DICER1: variants seen among roughly 807,000 people sequenced by gnomAD.
DICER1 encodes dicer 1, ribonuclease III.
DICER1 carries 43 observed loss-of-function variants against 194.1 expected under a neutral mutation model. That is an observed-to-expected ratio of 0.22 (90% CI 0.17 to 0.29). DICER1 has a LOEUF of 0.29. Ranked by LOEUF, DICER1 falls within the 10% of genes least tolerant of loss-of-function variation. The probability of loss-of-function intolerance (pLI) is 1.00; values close to 1 mark genes in which losing one functional copy is unlikely to be tolerated. For synonymous variants in DICER1, 832 were observed against 820.5 expected (o/e 1.01, Z -0.24); for missense variants, 1,608 against 2,317.0 (o/e 0.69, Z 6.28).
rs1184817036 is a variant in DICER1 at position 95,133,375 on chromosome 14, A to G, written c.84T>C (p.Phe28=). The change falls in exon 2 of 27, where the codon TTT becomes TTC. Residue 28 remains phenylalanine, a synonymous_variant. Transcript: ENST00000343455. The part of the protein sequence containing the change: ...TPASSPMGPF[F]GLPWQQEAIH... ...TTGCTTCTTGTTGCCATGGCAGTCC[A>G]AAGAAAGGACCCATTGGTGAGGAAG... The G allele has an allele frequency of 6.2e-7, 1 of 1,614,144 alleles. No individual in the cohort carries two copies. The highest frequency in any genetic ancestry group is 8.5e-7 in the Non-Finnish European group (1 of 1,180,018).
In DICER1 at chr14:95,108,386, G is replaced by A; in HGVS notation, c.2374C>T (p.Leu792Phe). Reference sequence around the variant, plus strand: ...CTTGTGGTATCTTCAGGAGGATAGAGCTTCCGCCTTCTAAAGTTGAGTTCA... The same window carrying A: ...CTTGTGGTATCTTCAGGAGGATAGAACTTCCGCCTTCTAAAGTTGAGTTCA... ...PDELNFRRRK[L>F]YPPEDTTRCF... Residue 792 changes from leucine to phenylalanine, a missense_variant, in exon 15 of 27, where the codon CTC becomes TTC. Around this residue, in one of 10 missense-constraint regions of DICER1, gnomAD observed 150 missense variants for 216.0 expected, o/e 0.69. Coordinates refer to ENST00000343455, the MANE Select transcript of DICER1 (RefSeq NM_177438.3). 1 of 1,614,042 alleles carries A rather than the reference G, an allele frequency of 6.2e-7. No homozygotes were observed. Among genetic ancestry groups the A allele is most frequent in the Non-Finnish European group, 8.5e-7 (1 of 1,180,014 alleles).
intron 24 of DICER1, among the ~76,000 whole-genome samples, chr14:95,093,223 G>C (rs1340991774): frequency 6.6e-6 from 1 of 152,242 alleles, no homozygotes; most frequent in African/African-American, 2.4e-5. Flanking sequence ...AATGGGAAGA[G>C]GAGGAAATGA....
chr14:95,096,343 C>G lies in DICER1; in HGVS notation c.4577G>C (p.Gly1526Ala). 1 of 1,614,188 alleles carries G rather than the reference C, an allele frequency of 6.2e-7. No homozygotes were observed. The highest frequency in any genetic ancestry group is 8.5e-7 in the Non-Finnish European group (1 of 1,180,034). Residue 1526 changes from glycine to alanine, a missense_variant, in exon 23 of 27, where the codon GGG becomes GCG. Transcript: ENST00000343455. ...GTTTTCTTCTGATGGATTCCAGAAC[C>G]CCACCACAAAGTCATCTTCTTCAAC... is the stretch of plus-strand genomic sequence containing the variant. ...KAVEEDDFVV[G>A]FWNPSEENCG...
At position 95,124,138 on chromosome 14, in the gene DICER1, A is replaced by G. The variant is rs1016716341; in HGVS notation, c.1376+58T>C. 3.1e-6 allele frequency: 4 copies of G among 1,309,000 alleles called. No individual in the cohort carries two copies. The highest frequency in any genetic ancestry group is 4.4e-6 in the Non-Finnish European group (4 of 910,976). The allele number at this position is 1,309,000 out of a possible 1,614,324, so 81.1% of individuals were successfully genotyped here. ...TCTTACAGCTGCTGCAGCGCATCAC[A>G]TCACAACACAGGACGCCTCCCTGTT... On this transcript the variant is annotated intron_variant, in intron 8 of 26. Transcript: ENST00000343455. This position sits in a 1 kb window ranked among gnomAD's most constrained non-coding sequence, Gnocchi z 4.5.
rs2139995553 is a variant in DICER1, at chr14:95,105,790, G to A, written c.2988-7C>T. The A allele has an allele frequency of 6.2e-7, 1 of 1,610,422 alleles. No homozygotes were observed. Among genetic ancestry groups the A allele is most frequent in the East Asian group, 2.2e-5 (1 of 44,854 alleles). On this transcript the variant is annotated splice_polypyrimidine_tract_variant and splice_region_variant and intron_variant, in intron 18 of 26. Coordinates refer to ENST00000343455, the MANE Select transcript of DICER1 (RefSeq NM_177438.3). The surrounding 1 kb of genome is among the most constrained non-coding windows in gnomAD (Gnocchi z 4.9). Reference sequence around the variant, plus strand: ...AGGTGTCAAAAGATTAAGTCTGTAAGAATTCCAAAACAATTTTATCAAACA... The same window carrying A: ...AGGTGTCAAAAGATTAAGTCTGTAAAAATTCCAAAACAATTTTATCAAACA...
chr14:95,122,107 GAGCACTCTTGATTCATCATAC>G (rs1406239507), intron 8 of DICER1, among the ~76,000 whole-genome samples: 3 of 152,086 alleles, frequency 2.0e-5, no homozygotes, highest in African/African-American at 7.2e-5. Context: ...TCAACCCTCA[GAGCACTCTTGATTCATCATAC>G]AGCACTAAAT....
At chr14:95,098,291 GA>G (rs1890546451) in intron 22 of DICER1, among the ~76,000 whole-genome samples, 1 of 152,152 alleles carries the variant, frequency 6.6e-6, no homozygotes, top group Admixed American at 6.5e-5. Flanking sequence ...AGTCAACTTT[GA>G]TACTCTCGTC....
chr14:95,137,919 T>C (rs1894527903), intron 1 of DICER1: 1 of 154,698 alleles, frequency 6.5e-6, no homozygotes, highest in African/African-American at 2.4e-5. Context: ...AGAGATCGTT[T>C]CCCTGGCCTG....
intron 17 of DICER1, among the ~76,000 whole-genome samples, 172 bp from the exon 18 acceptor site, chr14:95,106,395 T>C (rs1891431463): frequency 6.6e-6 from 1 of 152,212 alleles, no homozygotes; most frequent in South Asian, 2.1e-4. Flanking sequence ...GAACTGTATT[T>C]TTATCAAGTA....
At chr14:95,156,288 A>T (rs1895858400) in intron 1 of DICER1, among the ~76,000 whole-genome samples, 1 of 152,262 alleles carries the variant, frequency 6.6e-6, no homozygotes. Flanking sequence ...TAGGCGTCCA[A>T]GTGATCCTCT....
intron 2 of DICER1, 149 bp from the exon 3 acceptor site, chr14:95,132,826 T>C (rs1371604745): frequency 1.3e-6 from 1 of 741,544 alleles, no homozygotes; most frequent in Admixed American, 2.4e-5. Flanking sequence ...TCTACGTCTT[T>C]ATACGAGAAT....
At position 95,089,707 on chromosome 14, in the gene DICER1, A is replaced by T. The variant is rs980978466; in HGVS notation, c.*791T>A. Reference sequence around the variant, plus strand: ...TAGTATGATCCTGTAATAAGTTACAACTATACTAGTGAGTTGTAAGTATCA... The same window carrying T: ...TAGTATGATCCTGTAATAAGTTACATCTATACTAGTGAGTTGTAAGTATCA... On this transcript the variant is annotated 3_prime_UTR_variant, in exon 27 of 27. Coordinates refer to ENST00000343455, the MANE Select transcript of DICER1 (RefSeq NM_177438.3). The T allele has an allele frequency of 8.6e-6, 2 of 231,892 alleles. No homozygotes were observed. The highest frequency in any genetic ancestry group is 1.7e-5 in the Non-Finnish European group (2 of 117,104). The allele number at this position is 231,892 out of a possible 1,614,324, so 14.4% of individuals were successfully genotyped here.
intron 7 of DICER1, 97 bp downstream of exon 7, chr14:95,126,483 A>G (rs1349940246): frequency 2.5e-6 from 2 of 804,212 alleles, no homozygotes; most frequent in African/African-American, 1.7e-5. Context: ...ACTAAAATGC[A>G]AAGAAAAGAG....
At chr14:95,147,797 G>A (rs929878993) in intron 1 of DICER1, among the ~76,000 whole-genome samples, 1 of 152,098 alleles carries the variant, frequency 6.6e-6, no homozygotes, top group Middle Eastern at 3.2e-3. Flanking sequence ...CCGTGCTCCC[G>A]ACCAATCAGT....
rs749900564 is a variant in DICER1, at chr14:95,094,081, G to A, written c.5171C>T (p.Pro1724Leu). 3.7e-6 allele frequency: 6 copies of A among 1,614,032 alleles called. No individual in the cohort carries two copies. Among genetic ancestry groups the A allele is most frequent in the South Asian group, 1.1e-5 (1 of 91,074 alleles). The stretch of plus-strand genomic sequence containing the variant: ...CAGGACCCCCGGGGAGTGCTGCCGC[G>A]GGTCTTCATAAAGGTGCTTGGTTAT... ...YLITKHLYED[P>L]RQHSPGVLTD... The change falls in exon 24 of 27, where the codon CCG (proline) becomes CTG (leucine). Residue 1724 changes from proline (P) to leucine (L), a missense_variant. Pro to Leu is a moderately conservative substitution (Grantham distance 98). Coordinates refer to ENST00000343455, the MANE Select transcript of DICER1 (RefSeq NM_177438.3).
At chr14:95,115,633 C>T in intron 11 of DICER1, 34 bp downstream of exon 11, 1 of 1,612,676 alleles carries the variant, frequency 6.2e-7, no homozygotes, top group Non-Finnish European at 8.5e-7. Context: ...TGCAACATTC[C>T]CAGGTTTTCC....
intron 10 of DICER1, 134 bp downstream of exon 10, chr14:95,116,319 A>G (rs528993755): frequency 9.0e-7 from 1 of 1,113,558 alleles, no homozygotes; most frequent in Non-Finnish European, 1.3e-6. Context: ...CAATGTACAC[A>G]GAGTACACCT....
At chr14:95,093,793 G>T in intron 24 of DICER1, 95 bp downstream of exon 24, 2 of 1,359,472 alleles carry the variant, frequency 1.5e-6, no homozygotes, top group Non-Finnish European at 2.1e-6. Flanking sequence ...CTGACCTCCT[G>T]CTGTCCCTTT....
intron 11 of DICER1, among the ~76,000 whole-genome samples, chr14:95,114,666 G>A (rs1892278434): frequency 1.3e-5 from 2 of 152,088 alleles, no homozygotes; most frequent in Non-Finnish European, 2.9e-5. Flanking sequence ...ATTATAAAAG[G>A]GGTGAAAGGG....
Sources: allele counts gnomAD v4.1 joint callset (sites outside exome capture counted in the v4.1 genomes callset), GRCh38; gene constraint gnomAD v4.1.1; regional missense constraint gnomAD v4.1.1; non-coding constraint Gnocchi (gnomAD v3.1); transcripts MANE v1.5; gene names NCBI Gene and HGNC (gene_info 2026-07-23, HGNC 2026-07-21).